TBCEL: variants seen among roughly 807,000 people sequenced by gnomAD.
TBCEL encodes tubulin-specific chaperone cofactor E-like protein.
In TBCEL, 15 loss-of-function variants were observed where a neutral mutation model predicts 44.2. The ratio of observed to expected loss-of-function variants is 0.34; its 90% CI spans 0.23 to 0.52. The LOEUF (loss-of-function observed/expected upper bound fraction) is 0.52, where lower values mean the gene tolerates loss of function less well. TBCEL is among the 20% of genes least tolerant of loss of function. TBCEL has a pLI of 0.95. For missense variants in TBCEL, 319 were observed against 506.3 expected, an observed-to-expected ratio of 0.63 and a Z score of 3.55; for synonymous variants, 171 against 185.4, an observed-to-expected ratio of 0.92 and a Z score of 0.63.
In TBCEL at chr11:121,090,290, T is replaced by C. The variant is rs577648566; in HGVS notation, c.*3194T>C. ...CAGCAGTGGTAGGAGCAGAGAGCAC[T>C]TGCACTAAGAGCTGATCACCATTTG... On this transcript the variant is annotated 3_prime_UTR_variant, in exon 9 of 9. Transcript: ENST00000683345. 6.6e-6 allele frequency: 1 copy of C among 152,302 alleles called. No individual in the cohort carries two copies. The highest frequency in any genetic ancestry group is 1.5e-5 in the Non-Finnish European group (1 of 68,012). 9.4% of individuals were successfully genotyped at this position (152,302 alleles called of 1,614,324 possible).
At chr11:121,055,787 A>T (rs1591397603) in intron 6 of TBCEL, among the ~76,000 whole-genome samples, 1 of 151,882 alleles carries the variant, frequency 6.6e-6, no homozygotes, top group East Asian at 1.9e-4. Flanking sequence ...TTTTATTGAT[A>T]AACTTTATTT....
Position 121,087,075 on chromosome 11 carries a change from C to T in TBCEL, c.1254C>T (p.Tyr418=), listed in dbSNP as rs756399339. Residue 418 remains tyrosine (Y), a synonymous_variant, in exon 9 of 9, where the codon TAC becomes TAT. Coordinates refer to ENST00000683345, the MANE Select transcript of TBCEL (RefSeq NM_001363644.2). Reference sequence around the variant, plus strand: ...GCATTAGGGATGGAGATAAAATTTACGTGGAATCCAAAACAAAATAACCTC... The same window carrying T: ...GCATTAGGGATGGAGATAAAATTTATGTGGAATCCAAAACAAAATAACCTC... ...SFGIRDGDKI[Y]VESKTK 1.2e-4 allele frequency: 199 copies of T among 1,613,128 alleles called. 1 individual carries two copies. The South Asian group carries it at 1.9e-3, about 16-fold the overall frequency.
chr11:121,047,461 G>A, intron 3 of TBCEL, 67 bp from the exon 4 acceptor site: 1 of 1,574,692 alleles, frequency 6.4e-7, no homozygotes, highest in Non-Finnish European at 8.7e-7. Flanking sequence ...ACACTTCCTG[G>A]GGGCTGAACA....
intron 8 of TBCEL, among the ~76,000 whole-genome samples, chr11:121,085,322 G>A (rs1261880946): frequency 6.6e-6 from 1 of 152,172 alleles, no homozygotes; most frequent in Non-Finnish European, 1.5e-5. Flanking sequence ...ACAGGCGTGA[G>A]CCACCGTGCC....
Position 121,055,014 on chromosome 11 carries a change from T to A in TBCEL, c.456-38T>A, listed in dbSNP as rs1945595164. 27 of 1,402,092 alleles carry A rather than the reference T, an allele frequency of 1.9e-5. No homozygotes were observed. The East Asian group carries it at 6.7e-4, about 35-fold the overall frequency. The allele number at this position is 1,402,092 out of a possible 1,614,324, so 86.9% of individuals were successfully genotyped here. On this transcript the variant is annotated intron_variant, in intron 5 of 8. Coordinates refer to ENST00000683345, the MANE Select transcript of TBCEL (RefSeq NM_001363644.2). Reference sequence around the variant, plus strand: ...AATAGGTGTAAAGTAGAAATTAAACTGCTTTAAACAATGAAATATTTCCTT... The same window carrying A: ...AATAGGTGTAAAGTAGAAATTAAACAGCTTTAAACAATGAAATATTTCCTT...
At chr11:121,086,408 G>A (rs1946217731) in intron 8 of TBCEL, among the ~76,000 whole-genome samples, 1 of 152,100 alleles carries the variant, frequency 6.6e-6, no homozygotes, top group South Asian at 2.1e-4. Flanking sequence ...ATTCCCAAGG[G>A]GTACATGCCT....
chr11:121,036,266 C>G (rs572758081), intron 1 of TBCEL: 1 of 152,086 alleles, frequency 6.6e-6, no homozygotes, highest in Non-Finnish European at 1.5e-5. Context: ...ATAAATGCAA[C>G]TTGAAAGCCT....
At chr11:121,027,582 A>G (rs1490506137) in intron 1 of TBCEL, among the ~76,000 whole-genome samples, 1 of 152,172 alleles carries the variant, frequency 6.6e-6, no homozygotes, top group African/African-American at 2.4e-5. Flanking sequence ...CTACCTGCCA[A>G]GGCCTCTGCT....
intron 8 of TBCEL, among the ~76,000 whole-genome samples, chr11:121,076,013 G>A (rs975605994): frequency 1.3e-5 from 2 of 151,770 alleles, no homozygotes; most frequent in African/African-American, 2.4e-5. Context: ...TAGGTGGCCC[G>A]TATTTCTGTA....
chr11:121,070,475 T>C (rs907867370), intron 8 of TBCEL, among the ~76,000 whole-genome samples: 3 of 152,160 alleles, frequency 2.0e-5, no homozygotes, highest in Non-Finnish European at 2.9e-5. Flanking sequence ...AGTGATAGAC[T>C]GGATTAAGAA....
intron 8 of TBCEL, among the ~76,000 whole-genome samples, chr11:121,070,718 G>C (rs1945913531): frequency 7.3e-6 from 1 of 136,098 alleles, no homozygotes; most frequent in Admixed American, 7.4e-5. Context: ...TTCGGGGAGG[G>C]GGGAGGGATA....
chr11:121,078,318 T>C (rs762628534), intron 8 of TBCEL, among the ~76,000 whole-genome samples: 2 of 152,206 alleles, frequency 1.3e-5, no homozygotes, highest in Non-Finnish European at 2.9e-5. Flanking sequence ...TAGATACATA[T>C]GCATTTTGGA....
intron 5 of TBCEL, among the ~76,000 whole-genome samples, chr11:121,054,223 C>T (rs1024808512): frequency 1.3e-5 from 2 of 151,706 alleles, no homozygotes; most frequent in Admixed American, 1.3e-4. Context: ...TTCGTTTGTC[C>T]CTATCTTTGT....
chr11:121,075,505 C>CT (rs1946016775), intron 8 of TBCEL, among the ~76,000 whole-genome samples: 1 of 151,948 alleles, frequency 6.6e-6, no homozygotes, highest in Non-Finnish European at 1.5e-5. Flanking sequence ...AATTTAGTCT[C>CT]TGTCTGCAAG....
rs193267486 is a variant in TBCEL at position 121,052,816 on chromosome 11, T to G, written c.274-735T>G. On this transcript the variant is annotated intron_variant, in intron 4 of 8. Coordinates refer to ENST00000683345, the MANE Select transcript of TBCEL (RefSeq NM_001363644.2). ...CTCATTTATTAAAATGAAAGTAGTA[T>G]TATCTTGCAAGTTGTTTTGAGAATT... Among the ~76,000 whole-genome samples, 718 of 151,976 alleles carry G rather than the reference T, an allele frequency of 4.7e-3. 5 individuals carry two copies. Among genetic ancestry groups the G allele is most frequent in the Middle Eastern group, 0.017 (5 of 294 alleles).
rs549463977 is a variant in TBCEL, at chr11:121,046,959, CAA to C, written c.134-568_134-567del. Among the ~76,000 whole-genome samples, 370 of 152,032 alleles carry C rather than the reference CAA, an allele frequency of 2.4e-3. 3 individuals are homozygous for C. The highest frequency in any genetic ancestry group is 6.8e-3 in the African/African-American group (283 of 41,474). On this transcript the variant is annotated intron_variant, in intron 3 of 8. Transcript: ENST00000683345. Reference sequence around the variant, plus strand: ...ATATGAAATGGAGATAATTGATAGACAAGAGAGAGAGATGTAGAGTTCTGAAT... The same window carrying C: ...ATATGAAATGGAGATAATTGATAGACGAGAGAGAGATGTAGAGTTCTGAAT...
intron 8 of TBCEL, among the ~76,000 whole-genome samples, chr11:121,082,627 C>G (rs1175377308): frequency 2.0e-5 from 3 of 152,176 alleles, no homozygotes; most frequent in Admixed American, 2.0e-4. Flanking sequence ...ATCATAAAGA[C>G]AAGGATTGTC....
chr11:121,053,787 A>G (rs765340271), intron 5 of TBCEL, 55 bp downstream of exon 5: 101 of 1,548,772 alleles, frequency 6.5e-5, no homozygotes, highest in Non-Finnish European at 8.4e-5. Flanking sequence ...GTGTTAGTAC[A>G]TAGGAGTACT....
At chr11:121,069,893 C>T (rs142150147) in intron 8 of TBCEL, among the ~76,000 whole-genome samples, 33 of 152,104 alleles carry the variant, frequency 2.2e-4, no homozygotes, top group Middle Eastern at 6.8e-3. Context: ...ATGCTGTGCT[C>T]GGACAGTAGG....
Sources: allele counts gnomAD v4.1 joint callset (sites outside exome capture counted in the v4.1 genomes callset), GRCh38; gene constraint gnomAD v4.1.1; transcripts MANE v1.5; gene names NCBI Gene and HGNC (gene_info 2026-07-23, HGNC 2026-07-21).